Variants in CENPL observed in about 807,000 individuals in gnomAD.
CENPL encodes the protein centromere protein L.
Under a neutral mutation model 35.2 loss-of-function variants are expected in CENPL, and 20 were observed. That is an observed-to-expected ratio of 0.57 (90% CI 0.40 to 0.83). CENPL has a LOEUF of 0.83. CENPL is among the 40% of genes least tolerant of loss of function. The pLI, the probability that CENPL is intolerant of heterozygous loss-of-function variation, is 0.00. For missense variants in CENPL, 363 were observed against 395.8 expected, an observed-to-expected ratio of 0.92 and a Z score of 0.70; for synonymous variants, 140 against 140.6, an observed-to-expected ratio of 1.00 and a Z score of 0.03.
At chr1:173,823,503 C>G (rs1278906474) in intron 2 of CENPL, 2 of 152,224 alleles carry the variant, frequency 1.3e-5, no homozygotes, top group African/African-American at 2.4e-5. Context: ...CTACTCTAGA[C>G]AGATGATCAC....
At chr1:173,805,940 C>T (rs1406088486) in intron 4 of CENPL, among the ~76,000 whole-genome samples, 1 of 152,080 alleles carries the variant, frequency 6.6e-6, no homozygotes, top group Non-Finnish European at 1.5e-5. Flanking sequence ...TTTGCCAATA[C>T]CATGACCTAT....
In CENPL at chr1:173,800,498, T is replaced by A. The variant is rs1374481875; in HGVS notation, c.985A>T (p.Ile329Phe). 13 of 1,482,378 alleles carry A rather than the reference T, an allele frequency of 8.8e-6. No homozygotes were observed. Among genetic ancestry groups the A allele is most frequent in the Non-Finnish European group, 1.2e-5 (13 of 1,063,316 alleles). The allele number at this position is 1,482,378 out of a possible 1,614,324, so 91.8% of individuals were successfully genotyped here. The change falls in exon 6 of 6, where the codon ATT becomes TTT. Residue 329 changes from isoleucine to phenylalanine, a missense_variant. Ile to Phe is a conservative substitution (Grantham distance 21). Transcript: ENST00000682279. ...KIKILCHKYL[I>F]GVLAYLTELA... ...TCTGTCAAATATGCTAACACTCCAA[T>A]AAGGTATTTATGACACAGAATCTGC... is the stretch of plus-strand genomic sequence containing the variant.
chr1:173,816,988 A>G (rs904951670), intron 2 of CENPL, among the ~76,000 whole-genome samples: 2 of 152,048 alleles, frequency 1.3e-5, no homozygotes, highest in African/African-American at 4.8e-5. Context: ...AAATACAAAA[A>G]TTAGCCAGGC....
chr1:173,806,569 A>G (rs1267409713), intron 4 of CENPL: 1 of 315,936 alleles, frequency 3.2e-6, no homozygotes. Flanking sequence ...GGGTGACAAA[A>G]TGAGACCCTG....
At chr1:173,805,402 C>A (rs985804904) in intron 4 of CENPL, among the ~76,000 whole-genome samples, 4 of 151,582 alleles carry the variant, frequency 2.6e-5, no homozygotes, top group African/African-American at 9.7e-5. Flanking sequence ...ATAGTCCTAG[C>A]TACTTGGGGG....
At position 173,807,538 on chromosome 1, in the gene CENPL, CA is replaced by C; in HGVS notation, c.169-21del. 1 of 1,477,962 alleles carries C rather than the reference CA, an allele frequency of 6.8e-7. No homozygotes were observed. Among genetic ancestry groups the C allele is most frequent in the Non-Finnish European group, 9.0e-7 (1 of 1,105,872 alleles). 91.6% of individuals were successfully genotyped at this position (1,477,962 alleles called of 1,614,324 possible). Reference sequence around the variant, plus strand: ...ATCTTCCTATAAAAAAAAATCAAGACAAAAGAAGTTTAAGAATTAGGAAACA... The same window carrying C: ...ATCTTCCTATAAAAAAAAATCAAGACAAAGAAGTTTAAGAATTAGGAAACA... On this transcript the variant is annotated intron_variant, in intron 3 of 5. Coordinates refer to ENST00000682279, the MANE Select transcript of CENPL (RefSeq NM_001387287.1).
At chr1:173,802,462 T>C (rs1291841666) in intron 5 of CENPL, among the ~76,000 whole-genome samples, 1 of 152,150 alleles carries the variant, frequency 6.6e-6, no homozygotes, top group African/African-American at 2.4e-5. Context: ...CGCCTCGGCC[T>C]CCCAAAGTGC....
At chr1:173,812,989 T>G (rs1490751154) in intron 2 of CENPL, among the ~76,000 whole-genome samples, 1 of 152,180 alleles carries the variant, frequency 6.6e-6, no homozygotes. Context: ...AATGACCTGA[T>G]GGAGCTGAAA....
At position 173,824,482 on chromosome 1, in the gene CENPL, T is replaced by C. The variant is rs1571972649; in HGVS notation, c.-372A>G. 1.3e-5 allele frequency: 2 copies of C among 152,412 alleles called. No homozygotes were observed. Among genetic ancestry groups the C allele is most frequent in the South Asian group, 4.1e-4 (2 of 4,838 alleles). The allele number at this position is 152,412 out of a possible 1,614,324, so 9.4% of individuals were successfully genotyped here. On this transcript the variant is annotated 5_prime_UTR_variant, in exon 1 of 6. The change abolishes the stop of an existing upstream ORF in the 5' untranslated region. Coordinates refer to ENST00000682279, the MANE Select transcript of CENPL (RefSeq NM_001387287.1). Reference sequence around the variant, plus strand: ...AGTGAAGCAACTAAAATTGCCATTTTAACTGAGGGCAAGGCCGAGCCACTT... The same window carrying C: ...AGTGAAGCAACTAAAATTGCCATTTCAACTGAGGGCAAGGCCGAGCCACTT...
At chr1:173,820,836 A>G (rs1470576963) in intron 2 of CENPL, among the ~76,000 whole-genome samples, 1 of 152,262 alleles carries the variant, frequency 6.6e-6, no homozygotes, top group Non-Finnish European at 1.5e-5. Flanking sequence ...TTAAAATGAC[A>G]AAGTTAAAGG....
At chr1:173,812,009 A>G (rs556314053) in intron 2 of CENPL, among the ~76,000 whole-genome samples, 1 of 152,314 alleles carries the variant, frequency 6.6e-6, no homozygotes, top group South Asian at 2.1e-4. Flanking sequence ...AGACTAGGAG[A>G]TTCTCTCCCG....
intron 2 of CENPL, among the ~76,000 whole-genome samples, chr1:173,814,833 C>G (rs1318207081): frequency 6.6e-6 from 1 of 151,966 alleles, no homozygotes; most frequent in Non-Finnish European, 1.5e-5. Flanking sequence ...TAACAAAGAT[C>G]AGAGCAAAAC....
chr1:173,819,589 T>TCAA (rs143483806), intron 2 of CENPL, among the ~76,000 whole-genome samples: 2 of 152,092 alleles, frequency 1.3e-5, no homozygotes, highest in East Asian at 1.9e-4. Flanking sequence ...AGACTCCATC[T>TCAA]CAACAACAAC....
intron 2 of CENPL, among the ~76,000 whole-genome samples, chr1:173,816,048 C>T (rs1557848266): frequency 6.6e-6 from 1 of 152,128 alleles, no homozygotes; most frequent in Admixed American, 6.6e-5. Flanking sequence ...CAATAACAGA[C>T]AGAGAGCAAA....
rs761507334 is a variant in CENPL at position 173,811,159 on chromosome 1, C to T, written c.141G>A (p.Arg47=). 6.2e-7 allele frequency: 1 copy of T among 1,613,124 alleles called. No individual in the cohort carries two copies. The highest frequency in any genetic ancestry group is 8.5e-7 in the Non-Finnish European group (1 of 1,179,202). ...GCAACTGCGAACACTGGGGAATTTT[C>T]CTTCGAGGTGGAGTCAGGATAAATG... is the stretch of plus-strand genomic sequence containing the variant. ...QSSFILTPPR[R]KIPQCSQLQE... is the part of the protein sequence containing the mutation. Residue 47 remains arginine, a synonymous_variant, in exon 3 of 6, where the codon AGG becomes AGA. Coordinates refer to ENST00000682279, the MANE Select transcript of CENPL (RefSeq NM_001387287.1).
chr1:173,817,480 G>C (rs1162852004), intron 2 of CENPL, among the ~76,000 whole-genome samples: 1 of 152,168 alleles, frequency 6.6e-6, no homozygotes, highest in Non-Finnish European at 1.5e-5. Flanking sequence ...AGTTAGAATG[G>C]CGATCATTAA....
chr1:173,811,476 C>A (rs531870769), intron 2 of CENPL, among the ~76,000 whole-genome samples, 170 bp from the exon 3 acceptor site: 4 of 152,148 alleles, frequency 2.6e-5, no homozygotes, highest in African/African-American at 9.7e-5. Context: ...TGGCTATAGC[C>A]CACTTTTATG....
chr1:173,809,804 T>A (rs969122772), intron 3 of CENPL, among the ~76,000 whole-genome samples: 4 of 150,132 alleles, frequency 2.7e-5, no homozygotes, highest in African/African-American at 9.8e-5. Flanking sequence ...TATTACAAAG[T>A]AAAAAAACAA....
rs1021446812 is a variant in CENPL at position 173,807,449 on chromosome 1, A to C, written c.238T>G (p.Leu80Val). ...KQWTLYSLTP[L>V]YKFSYSNLKE... The stretch of plus-strand genomic sequence containing the variant: ...AGATTACTATAGGAGAATTTATATA[A>C]GGGAGTTAAACTATATAAAGTCCAC... Residue 80 changes from leucine to valine, a missense_variant, in exon 4 of 6, where the codon TTA (leucine) becomes GTA (valine). Leu to Val is a conservative substitution (Grantham distance 32, BLOSUM62 1). Transcript: ENST00000682279. 1.7e-5 allele frequency: 27 copies of C among 1,604,514 alleles called. No homozygotes were observed. Among genetic ancestry groups the C allele is most frequent in the Non-Finnish European group, 2.0e-5 (24 of 1,172,772 alleles).
Sources: gnomAD v4.1 joint callset for allele counts (sites outside exome capture counted in the v4.1 genomes callset) on GRCh38, gnomAD v4.1.1 for gene constraint, MANE v1.5 for transcripts, NCBI Gene and HGNC (gene_info 2026-07-23, HGNC 2026-07-21) for gene names.